The following CHN1 variants were observed in gnomAD, a reference collection of about 807,000 sequenced individuals.
CHN1 encodes chimerin 1, also known as N-chimaerin.
In CHN1, 37 loss-of-function variants were observed where a neutral mutation model predicts 59.5. That is an observed-to-expected ratio of 0.62 (90% CI 0.48 to 0.82). The LOEUF is 0.82. Ranked by LOEUF, CHN1 falls within the 40% of genes least tolerant of loss-of-function variation. CHN1 has a pLI of 0.00. For missense variants in CHN1, 469 were observed against 571.0 expected (o/e 0.82, Z 1.82); for synonymous variants, 206 against 200.4 (o/e 1.03, Z -0.24).
intron 2 of CHN1, among the ~76,000 whole-genome samples, chr2:174,950,147 T>C (rs1055478878): frequency 1.3e-5 from 2 of 151,850 alleles, no homozygotes; most frequent in Non-Finnish European, 2.9e-5. Flanking sequence ...ACTCAGGAGG[T>C]TGAAGTGGGA....
At chr2:174,862,667 T>A (rs531893694) in intron 6 of CHN1, among the ~76,000 whole-genome samples, 1 of 152,256 alleles carries the variant, frequency 6.6e-6, no homozygotes, top group South Asian at 2.1e-4. Flanking sequence ...CATATTAAAT[T>A]AGTTACTGTA....
At chr2:174,812,547 GTTAATT>G in intron 8 of CHN1, 65 bp from the exon 9 acceptor site, 1 of 1,533,018 alleles carries the variant, frequency 6.5e-7, no homozygotes, top group Non-Finnish European at 8.9e-7. Flanking sequence ...ATTCTGGAGT[GTTAATT>G]TTAGCAAAAG....
Position 174,807,936 on chromosome 2 carries a change from A to C in CHN1, c.1102+969T>G, listed in dbSNP as rs1684951349. 2.0e-5 allele frequency among the ~76,000 whole-genome samples: 3 copies of C among 152,372 alleles called. No individual in the cohort carries two copies. In the South Asian group the frequency reaches 6.2e-4, roughly 32 times the overall value. On this transcript the variant is annotated intron_variant, in intron 11 of 12. Coordinates refer to ENST00000409900, the MANE Select transcript of CHN1 (RefSeq NM_001822.7). Reference sequence around the variant, plus strand: ...AAAAGCAAAATGACAGAAATAGCCTATCTTTTCCAAAAAAACCAGTAATGC... The same window carrying C: ...AAAAGCAAAATGACAGAAATAGCCTCTCTTTTCCAAAAAAACCAGTAATGC...
chr2:174,879,259 G>A (rs1246603302), intron 5 of CHN1, among the ~76,000 whole-genome samples: 5 of 152,150 alleles, frequency 3.3e-5, no homozygotes, highest in African/African-American at 1.2e-4. Context: ...ATGAATAGGA[G>A]TTAGGAACAT....
chr2:174,863,509 A>C lies in CHN1; in HGVS notation c.549+14331T>G, dbSNP rs368561082. Among the ~76,000 whole-genome samples the C allele has an allele frequency of 5.7e-4, 87 of 152,274 alleles. 2 individuals are homozygous for C. In the East Asian group the frequency reaches 0.013, roughly 22 times the overall value. On this transcript the variant is annotated intron_variant, in intron 6 of 12. Transcript: ENST00000409900. ...CTCTTCTAAATTTTTTTGTTTCAAA[A>C]ATTGGTTATTTAATAATATTGTTAA...
chr2:174,935,654 G>A (rs555648226), intron 3 of CHN1, among the ~76,000 whole-genome samples: 10 of 152,254 alleles, frequency 6.6e-5, no homozygotes, highest in South Asian at 2.1e-4. Flanking sequence ...GGCCTGGCAC[G>A]GTGGCTCACG....
intron 11 of CHN1, among the ~76,000 whole-genome samples, chr2:174,808,466 G>C (rs1412438259): frequency 6.6e-6 from 1 of 152,142 alleles, no homozygotes; most frequent in African/African-American, 2.4e-5. Flanking sequence ...TGTATTTTTA[G>C]TAGAGATGGG....
chr2:174,888,187 TTC>T (rs1287045761), intron 5 of CHN1, among the ~76,000 whole-genome samples: 2 of 152,246 alleles, frequency 1.3e-5, no homozygotes, highest in Non-Finnish European at 2.9e-5. Flanking sequence ...AATACATTTT[TTC>T]TTTTTCTAGT....
At chr2:174,965,250 G>A (rs1690558396) in intron 1 of CHN1, among the ~76,000 whole-genome samples, 1 of 151,912 alleles carries the variant, frequency 6.6e-6, no homozygotes, top group Non-Finnish European at 1.5e-5. Context: ...TATATCTATA[G>A]AAGTTGTTAA....
chr2:174,974,497 AAG>A (rs1169112832), intron 1 of CHN1, among the ~76,000 whole-genome samples: 1 of 152,228 alleles, frequency 6.6e-6, no homozygotes, highest in Non-Finnish European at 1.5e-5. Context: ...ACCAGTCTGC[AAG>A]AGAGAATTAT....
chr2:174,889,298 A>C (rs2105345181), intron 5 of CHN1, among the ~76,000 whole-genome samples: 1 of 152,334 alleles, frequency 6.6e-6, no homozygotes, highest in South Asian at 2.1e-4. Context: ...CACTCAGCTA[A>C]AAACAAGAAT....
chr2:174,998,022 G>A (rs1196630558), intron 1 of CHN1, among the ~76,000 whole-genome samples: 1 of 148,332 alleles, frequency 6.7e-6, no homozygotes, highest in Admixed American at 6.7e-5. Context: ...ACAAGATAGG[G>A]CCGGGCACAG....
intron 7 of CHN1, among the ~76,000 whole-genome samples, chr2:174,836,548 G>T (rs1367308271): frequency 6.6e-6 from 1 of 152,168 alleles, no homozygotes; most frequent in Non-Finnish European, 1.5e-5. Flanking sequence ...ATCTCACCCA[G>T]CAAAGTGTTA....
intron 1 of CHN1, among the ~76,000 whole-genome samples, chr2:174,977,081 T>C (rs998159401): frequency 6.6e-6 from 1 of 152,184 alleles, no homozygotes; most frequent in Admixed American, 6.5e-5. Context: ...AAATTCACCT[T>C]AGACAACTAG....
At chr2:174,897,879 C>T (rs933604853) in intron 5 of CHN1, among the ~76,000 whole-genome samples, 3 of 152,148 alleles carry the variant, frequency 2.0e-5, no homozygotes, top group African/African-American at 7.2e-5. Flanking sequence ...TAAAGTATTT[C>T]TCCAACTGAG....
chr2:174,894,922 T>C (rs1488553924), intron 5 of CHN1, among the ~76,000 whole-genome samples: 1 of 152,098 alleles, frequency 6.6e-6, no homozygotes, highest in Non-Finnish European at 1.5e-5. Flanking sequence ...CTTCACTCTC[T>C]GTCTCTCCCA....
At chr2:174,993,725 G>A (rs139947233) in intron 1 of CHN1, among the ~76,000 whole-genome samples, 167 of 152,074 alleles carry the variant, frequency 1.1e-3, no homozygotes, top group African/African-American at 3.0e-3. Flanking sequence ...AATGACACAA[G>A]ACAGAGAAAA....
chr2:174,978,760 A>G (rs1426753939), intron 1 of CHN1, among the ~76,000 whole-genome samples: 8 of 152,236 alleles, frequency 5.3e-5, no homozygotes, highest in African/African-American at 1.9e-4. Context: ...AATGTAGCTA[A>G]CGATACACAA....
chr2:174,813,192 A>T (rs931003727), intron 8 of CHN1, among the ~76,000 whole-genome samples: 3 of 152,240 alleles, frequency 2.0e-5, no homozygotes, highest in African/African-American at 7.2e-5. Context: ...AGTAATAAGT[A>T]ATTTACCCAA....
Sources: gnomAD v4.1 joint callset for allele counts (sites outside exome capture counted in the v4.1 genomes callset) on GRCh38, gnomAD v4.1.1 for gene constraint, MANE v1.5 for transcripts, NCBI Gene and HGNC (gene_info 2026-07-23, HGNC 2026-07-21) for gene names.